MCM5: variants seen among roughly 807,000 people sequenced by gnomAD.
MCM5 encodes the protein DNA replication licensing factor MCM5.
MCM5 carries 46 observed loss-of-function variants against 79.9 expected under a neutral mutation model. That is an observed-to-expected ratio of 0.58 (90% CI 0.45 to 0.74). The LOEUF (loss-of-function observed/expected upper bound fraction) is 0.74. Ranked by LOEUF, MCM5 falls within the 30% of genes least tolerant of loss-of-function variation. The pLI, the probability that MCM5 is intolerant of heterozygous loss-of-function variation, is 0.00. For missense variants in MCM5, 883 were observed against 1,017.0 expected, an observed-to-expected ratio of 0.87 and a Z score of 1.79; for synonymous variants, 404 against 390.5, an observed-to-expected ratio of 1.03 and a Z score of -0.41.
chr22:35,400,715 G>A, intron 2 of MCM5, 110 bp downstream of exon 2: 2 of 1,229,136 alleles, frequency 1.6e-6, no homozygotes, highest in Non-Finnish European at 2.2e-6. Flanking sequence ...CCAGACGGGG[G>A]AAAGAGCCGG....
intron 15 of MCM5, 146 bp downstream of exon 15, chr22:35,421,606 T>G: frequency 9.5e-7 from 1 of 1,049,506 alleles, no homozygotes; most frequent in Non-Finnish European, 1.5e-6. Flanking sequence ...CTTTTTGCCA[T>G]AAGACCCCTC....
chr22:35,449,654 G>T, the MCM5 span, among the ~76,000 whole-genome samples: 1 of 152,234 alleles, frequency 6.6e-6, no homozygotes, highest in African/African-American at 2.4e-5. Context: ...CCCCGCCCAT[G>T]CTGACATGTG....
At chr22:35,403,360 C>G (rs767012343) in intron 3 of MCM5, 27 bp downstream of exon 3, 1 of 1,614,104 alleles carries the variant, frequency 6.2e-7, no homozygotes, top group Non-Finnish European at 8.5e-7. Flanking sequence ...CCCTGAGCTT[C>G]CCAGGGCTGC....
chr22:35,425,955 A>G (rs1932776842), downstream of MCM5, among the ~76,000 whole-genome samples: 1 of 151,550 alleles, frequency 6.6e-6, no homozygotes, highest in Non-Finnish European at 1.5e-5. Context: ...GTGGCTCCGA[A>G]CTCCACCCAT....
chr22:35,431,911 C>T, the MCM5 span, among the ~76,000 whole-genome samples: 1 of 152,166 alleles, frequency 6.6e-6, no homozygotes, highest in Non-Finnish European at 1.5e-5. Flanking sequence ...AGCATGGCAC[C>T]CTCTCACTTT....
At chr22:35,420,042 C>T (rs560963739) in intron 14 of MCM5, 30 bp downstream of exon 14, 5 of 1,582,476 alleles carry the variant, frequency 3.2e-6, no homozygotes, top group African/African-American at 2.7e-5. Flanking sequence ...TGGGCCATGG[C>T]AGATGGGGCT....
the MCM5 span, among the ~76,000 whole-genome samples, chr22:35,434,996 C>T: frequency 6.6e-6 from 1 of 152,084 alleles, no homozygotes; most frequent in African/African-American, 2.4e-5. Flanking sequence ...TACTAAAATA[C>T]AAAAATTAGC....
chr22:35,425,434 C>T (rs144442525), downstream of MCM5: 5 of 152,198 alleles, frequency 3.3e-5, no homozygotes, highest in African/African-American at 9.6e-5. Flanking sequence ...TTGGTGCATC[C>T]GCCTGGTCAT....
chr22:35,407,369 G>A (rs777528926), intron 5 of MCM5, among the ~76,000 whole-genome samples: 2 of 151,726 alleles, frequency 1.3e-5, no homozygotes, highest in Non-Finnish European at 2.9e-5. Context: ...GATCCCCCGC[G>A]TCCACCCTCC....
chr22:35,444,525 G>A, the MCM5 span, among the ~76,000 whole-genome samples: 2 of 152,156 alleles, frequency 1.3e-5, no homozygotes, highest in African/African-American at 2.4e-5. Context: ...AGAGCTTGGC[G>A]AGGAGCCCCT....
chr22:35,427,341 T>C (rs984778240), downstream of MCM5, among the ~76,000 whole-genome samples: 1 of 152,224 alleles, frequency 6.6e-6, no homozygotes, highest in South Asian at 2.1e-4. Context: ...TTCTCTTGCC[T>C]GTAAGCAACA....
the MCM5 span, among the ~76,000 whole-genome samples, chr22:35,437,065 C>A: frequency 3.3e-5 from 5 of 152,234 alleles, no homozygotes; most frequent in African/African-American, 9.6e-5. Flanking sequence ...CTTCTGACTT[C>A]TGGGCAGGTG....
rs183455486 is a variant in MCM5, at chr22:35,424,678, G to A, written c.*423G>A. The A allele has an allele frequency of 1.7e-4, 27 of 156,410 alleles. No homozygotes were observed. Among genetic ancestry groups the A allele is most frequent in the African/African-American group, 6.0e-4 (25 of 41,726 alleles). 9.7% of individuals were successfully genotyped at this position (156,410 alleles called of 1,614,324 possible). On this transcript the variant is annotated 3_prime_UTR_variant, in exon 17 of 17. Coordinates refer to ENST00000216122, the MANE Select transcript of MCM5 (RefSeq NM_006739.4). ...GCTCCGGTTTCTTCATCTGTTTAGC[G>A]GGGCTCATAAAGCCACTCCCTTGAT... is the stretch of plus-strand genomic sequence containing the variant.
intron 2 of MCM5, among the ~76,000 whole-genome samples, chr22:35,402,053 G>T (rs737777): frequency 0.06 from 9,136 of 152,280 alleles, 363 homozygotes; most frequent in Non-Finnish European, 0.085. Context: ...AACAGCCTGT[G>T]CGTTGGTCAG....
intron 12 of MCM5, 93 bp downstream of exon 12, chr22:35,416,907 C>T: frequency 1.4e-6 from 2 of 1,418,728 alleles, no homozygotes; most frequent in Non-Finnish European, 1.9e-6. Flanking sequence ...AGGGCCTTGG[C>T]TGGCAAAGTC....
intron 6 of MCM5, chr22:35,409,425 T>A (rs1272274747): frequency 6.6e-6 from 1 of 152,170 alleles, no homozygotes; most frequent in Non-Finnish European, 1.5e-5. Flanking sequence ...AAAAAATTTA[T>A]TAGCTGGGTG....
chr22:35,433,561 G>A, the MCM5 span, among the ~76,000 whole-genome samples: 9 of 152,214 alleles, frequency 5.9e-5, no homozygotes, highest in South Asian at 6.2e-4. Context: ...CATTGGGAAT[G>A]CCTAATGGCA....
rs528509244 is a variant in MCM5 at position 35,416,399 on chromosome 22, G to A, written c.1408G>A (p.Ala470Thr). The change falls in exon 11 of 17, where the codon GCC becomes ACC. Residue 470 changes from alanine (A) to threonine (T), a missense_variant. Transcript: ENST00000216122. ...EAMEQQTISI[A>T]KAGITTTLNS... ...CATGGAGCAGCAGACCATCTCTATCGCCAAGGTGAGTGGCCCTCCATGGAG... is the reference window on the plus strand; with the variant it reads ...CATGGAGCAGCAGACCATCTCTATCACCAAGGTGAGTGGCCCTCCATGGAG... 5.6e-6 allele frequency: 9 copies of A among 1,612,314 alleles called. No homozygotes were observed. The highest frequency in any genetic ancestry group is 3.3e-5 in the Admixed American group (2 of 59,954).
chr22:35,443,241 C>T, the MCM5 span, among the ~76,000 whole-genome samples: 1 of 152,214 alleles, frequency 6.6e-6, no homozygotes, highest in African/African-American at 2.4e-5. Context: ...GGCTGGAGTG[C>T]AGTGGCGTGA....
Sources: gnomAD v4.1 joint callset for allele counts (sites outside exome capture counted in the v4.1 genomes callset) on GRCh38, gnomAD v4.1.1 for gene constraint, MANE v1.5 for transcripts, NCBI Gene and HGNC (gene_info 2026-07-23, HGNC 2026-07-21) for gene names.